Variants in ADCY10 observed in about 807,000 individuals in gnomAD.
ADCY10 encodes the protein adenylate cyclase 10, also known as adenylate cyclase type 10.
A neutral mutation model predicts 183.3 loss-of-function variants in ADCY10; 156 were observed. That is an observed-to-expected ratio of 0.85 (90% confidence interval 0.75 to 0.97). The LOEUF (loss-of-function observed/expected upper bound fraction) is 0.97. Ranked by LOEUF, ADCY10 falls within the 50% of genes least tolerant of loss-of-function variation. The pLI is 0.00. For missense variants in ADCY10, 1,745 were observed against 1,934.3 expected, an observed-to-expected ratio of 0.90 and a Z score of 1.84; for synonymous variants, 645 against 670.0, an observed-to-expected ratio of 0.96 and a Z score of 0.58.
At chr1:167,814,594 G>A (rs1296725777) in intron 31 of ADCY10, among the ~76,000 whole-genome samples, 1 of 151,986 alleles carries the variant, frequency 6.6e-6, no homozygotes, top group Non-Finnish European at 1.5e-5. Context: ...GTCAATAATG[G>A]ATAGAACAAT....
chr1:167,908,406 G>T (rs1474609081), intron 1 of ADCY10, among the ~76,000 whole-genome samples: 1 of 152,138 alleles, frequency 6.6e-6, no homozygotes, highest in Admixed American at 6.5e-5. Context: ...GGGGTTGGGT[G>T]GGTGGAATGA....
Position 167,854,734 on chromosome 1 carries a change from T to C in ADCY10, c.2172-245A>G, listed in dbSNP as rs203802. 0.46 allele frequency among the ~76,000 whole-genome samples: 69,563 copies of C among 151,984 alleles called. 16,050 individuals are homozygous for C. Among genetic ancestry groups the C allele is most frequent in the Admixed American group, 0.53 (8,108 of 15,280 alleles). On this transcript the variant is annotated intron_variant, in intron 17 of 32. Coordinates refer to ENST00000367851, the MANE Select transcript of ADCY10 (RefSeq NM_018417.6). ...ATTGGAAGGATAAGCCAAAAACTAA[T>C]CAAAATGGTTACCTATAGGATAAGG...
Position 167,836,291 on chromosome 1 carries a change from T to C in ADCY10, c.3309+18A>G, listed in dbSNP as rs1664186921. On this transcript the variant is annotated intron_variant, in intron 23 of 32. Transcript: ENST00000367851. ...AATTGTCTCTAGGGTGGAGGTGGTC[T>C]GGGTAGAAACAGCTTACCATGTAGT... The C allele has an allele frequency of 3.2e-6, 5 of 1,548,558 alleles. No homozygotes were observed.
intron 30 of ADCY10, chr1:167,820,448 A>G (rs913010438): frequency 6.0e-6 from 3 of 502,100 alleles, no homozygotes; most frequent in Non-Finnish European, 6.9e-6. Flanking sequence ...CTAAAGTCTG[A>G]GCAGCATTGG....
At chr1:167,820,017 T>G in intron 30 of ADCY10, 2 of 1,564,036 alleles carry the variant, frequency 1.3e-6, no homozygotes, top group Non-Finnish European at 1.8e-6. Context: ...ACTTTCTTCT[T>G]TTTTCCTATG....
chr1:167,896,782 T>C lies in ADCY10; in HGVS notation c.643-91A>G, dbSNP rs397384. The C allele has an allele frequency of 3.7e-4, 332 of 893,112 alleles. No homozygotes were observed. In the African/African-American group the frequency reaches 4.9e-3, roughly 13 times the overall value. The allele number at this position is 893,112 out of a possible 1,614,324, so 55.3% of individuals were successfully genotyped here. ...TTCTTAGCAGAAAGAGAGTATGCTT[T>C]TGACTGAACAGTGATTGGCACACTT... On this transcript the variant is annotated intron_variant, in intron 6 of 32. Coordinates refer to ENST00000367851, the MANE Select transcript of ADCY10 (RefSeq NM_018417.6).
In ADCY10 at chr1:167,809,598, G is replaced by T; in HGVS notation, c.*80C>A. On this transcript the variant is annotated 3_prime_UTR_variant, in exon 33 of 33. Coordinates refer to ENST00000367851, the MANE Select transcript of ADCY10 (RefSeq NM_018417.6). ...AGAAGAGATTATGTAGGAACCTGGA[G>T]TGGGCCAGCCACGGAGAAAGGTCAA... The T allele has an allele frequency of 6.8e-7, 1 of 1,473,606 alleles. No individual in the cohort carries two copies. Among genetic ancestry groups the T allele is most frequent in the Non-Finnish European group, 9.5e-7 (1 of 1,053,856 alleles). The allele number at this position is 1,473,606 out of a possible 1,614,324, so 91.3% of individuals were successfully genotyped here. A position where few individuals can be genotyped will look rare whatever the true frequency, so the allele number is the denominator to read the frequency against.
intron 8 of ADCY10, among the ~76,000 whole-genome samples, chr1:167,886,020 A>G (rs1668200064): frequency 6.6e-6 from 1 of 152,166 alleles, no homozygotes; most frequent in Non-Finnish European, 1.5e-5. Flanking sequence ...AAGGAGAACT[A>G]CAAACCACTG....
At chr1:167,841,108 T>A (rs1044176275) in intron 21 of ADCY10, among the ~76,000 whole-genome samples, 3 of 151,934 alleles carry the variant, frequency 2.0e-5, no homozygotes, top group African/African-American at 7.3e-5. Context: ...ACCCAGCTAA[T>A]TTTTTTGTAT....
chr1:167,904,081 G>GATTT, intron 2 of ADCY10, 90 bp from the exon 3 acceptor site: 1 of 501,784 alleles, frequency 2.0e-6, no homozygotes, highest in Non-Finnish European at 3.4e-6. Context: ...GCGGGCCTCA[G>GATTT]CTTTTTTTTT....
chr1:167,870,020 T>G (rs139790025), intron 14 of ADCY10, among the ~76,000 whole-genome samples: 32 of 152,328 alleles, frequency 2.1e-4, no homozygotes, highest in Non-Finnish European at 4.1e-4. Flanking sequence ...CTTAGGAAAC[T>G]TTAAATAACC....
intron 31 of ADCY10, among the ~76,000 whole-genome samples, chr1:167,816,217 A>T (rs1438305332): frequency 6.6e-6 from 1 of 152,128 alleles, no homozygotes; most frequent in Non-Finnish European, 1.5e-5. Context: ...CCCAACACAT[A>T]GGCATATAAT....
chr1:167,809,702 A>G lies in ADCY10; in HGVS notation c.4809T>C (p.Ala1603=), dbSNP rs1425659797. The change falls in exon 33 of 33, where the codon GCT becomes GCC. Residue 1603 remains alanine (A), a synonymous_variant. Transcript: ENST00000367851. ...DLQKNKFLMR[A]NTVDNHF ...GTTAGAAATGATTGTCCACGGTATT[A>G]GCTCTCATCAGGAATTTGTTTTTTT... is the stretch of plus-strand genomic sequence containing the variant. The G allele has an allele frequency of 6.2e-7, 1 of 1,614,172 alleles. No homozygotes were observed. The highest frequency in any genetic ancestry group is 8.5e-7 in the Non-Finnish European group (1 of 1,180,008).
chr1:167,848,679 C>T (rs868686168), intron 18 of ADCY10, among the ~76,000 whole-genome samples, 190 bp from the exon 19 acceptor site: 8 of 151,790 alleles, frequency 5.3e-5, no homozygotes, highest in Middle Eastern at 3.4e-3. Context: ...GAGGTGGAGT[C>T]TCTCACTGTC....
chr1:167,872,842 C>T (rs1381040111), intron 13 of ADCY10, among the ~76,000 whole-genome samples: 3 of 150,714 alleles, frequency 2.0e-5, no homozygotes, highest in Admixed American at 6.7e-5. Context: ...GAGGCCAAGG[C>T]GGGCAGATCA....
intron 12 of ADCY10, among the ~76,000 whole-genome samples, chr1:167,876,950 TC>T (rs903339251): frequency 5.3e-5 from 8 of 152,102 alleles, no homozygotes; most frequent in Non-Finnish European, 1.2e-4. Context: ...GCCCTAGTTA[TC>T]CCAACTGAGG....
At chr1:167,900,885 A>T (rs962645538) in intron 5 of ADCY10, among the ~76,000 whole-genome samples, 2 of 152,234 alleles carry the variant, frequency 1.3e-5, no homozygotes, top group South Asian at 4.1e-4. Context: ...AAGAAGGCTG[A>T]GAAACAGTTA....
chr1:167,862,664 G>C (rs536005371), intron 14 of ADCY10, among the ~76,000 whole-genome samples: 169 of 152,298 alleles, frequency 1.1e-3, no homozygotes, highest in African/African-American at 4.0e-3. Flanking sequence ...TTCAATTAAT[G>C]ATTGAATACA....
chr1:167,826,989 T>C (rs1663339971), intron 26 of ADCY10, among the ~76,000 whole-genome samples: 1 of 152,178 alleles, frequency 6.6e-6, no homozygotes, highest in Non-Finnish European at 1.5e-5. Context: ...ATGGGCTTTA[T>C]AAATACTTCT....
Sources: gnomAD v4.1 joint callset for allele counts (sites outside exome capture counted in the v4.1 genomes callset) on GRCh38, gnomAD v4.1.1 for gene constraint, MANE v1.5 for transcripts, NCBI Gene and HGNC (gene_info 2026-07-23, HGNC 2026-07-21) for gene names.